Variants in NAP1L1 observed in about 807,000 individuals in gnomAD.
NAP1L1 encodes the protein nucleosome assembly protein 1-like 1.
NAP1L1 carries 9 observed loss-of-function variants against 58.9 expected under a neutral mutation model. The observed-to-expected ratio is 0.15, with a 90% CI of 0.09 to 0.27. The LOEUF (loss-of-function observed/expected upper bound fraction) is 0.27. Among genes scored for constraint, NAP1L1 ranks in the 10% least tolerant of loss-of-function variants. NAP1L1 has a pLI of 1.00. For missense variants in NAP1L1, 302 were observed against 458.8 expected, an observed-to-expected ratio of 0.66 and a Z score of 3.12; for synonymous variants, 130 against 138.3, an observed-to-expected ratio of 0.94 and a Z score of 0.42.
chr12:76,061,488 G>A (rs958602045), intron 4 of NAP1L1, among the ~76,000 whole-genome samples: 4 of 152,166 alleles, frequency 2.6e-5, no homozygotes, highest in Non-Finnish European at 5.9e-5. Flanking sequence ...CAAGTATTAC[G>A]TGGTGTATAC....
At chr12:76,074,276 A>T (rs1950092971) in intron 1 of NAP1L1, 37 bp from the exon 2 acceptor site, 1 of 1,532,264 alleles carries the variant, frequency 6.5e-7, no homozygotes, top group Non-Finnish European at 8.7e-7. Context: ...AAAAAAGTAT[A>T]TGATTTATTA....
intron 1 of NAP1L1, among the ~76,000 whole-genome samples, chr12:76,079,884 G>T (rs1950335086): frequency 1.3e-5 from 2 of 152,082 alleles, no homozygotes; most frequent in African/African-American, 4.8e-5. Flanking sequence ...TAAAGACAGG[G>T]TGTCTCACTA....
chr12:76,062,178 T>C (rs1356176040), intron 4 of NAP1L1, among the ~76,000 whole-genome samples: 1 of 152,176 alleles, frequency 6.6e-6, no homozygotes, highest in Admixed American at 6.5e-5. Context: ...AGCTGCACGG[T>C]TCAAAGCCTT....
At chr12:76,066,133 TAAATAAACAAACAAAC>T (rs1410898364) in intron 4 of NAP1L1, among the ~76,000 whole-genome samples, 15 of 109,696 alleles carry the variant, frequency 1.4e-4, no homozygotes, top group Non-Finnish European at 1.6e-4. Context: ...AATAAATAAA[TAAATAAACAAACAAAC>T]AAACAAACCT....
chr12:76,079,194 G>C (rs1487674346), intron 1 of NAP1L1, among the ~76,000 whole-genome samples: 1 of 152,030 alleles, frequency 6.6e-6, no homozygotes, highest in Non-Finnish European at 1.5e-5. Context: ...AATAACTAAG[G>C]CTCTTAAAAT....
At chr12:76,051,132 A>G (rs1339210913) in intron 11 of NAP1L1, among the ~76,000 whole-genome samples, 1 of 152,144 alleles carries the variant, frequency 6.6e-6, no homozygotes, top group Non-Finnish European at 1.5e-5. Flanking sequence ...TCATTTTTAA[A>G]TTTCCTTAAT....
chr12:76,080,048 G>T (rs1434266123), intron 1 of NAP1L1, among the ~76,000 whole-genome samples: 1 of 152,118 alleles, frequency 6.6e-6, no homozygotes, highest in African/African-American at 2.4e-5. Flanking sequence ...CTGAAGAGGG[G>T]AGGCAACTGA....
At chr12:76,064,323 G>A (rs1381507601) in intron 4 of NAP1L1, among the ~76,000 whole-genome samples, 1 of 151,944 alleles carries the variant, frequency 6.6e-6, no homozygotes, top group Non-Finnish European at 1.5e-5. Flanking sequence ...ACAAATGACA[G>A]AAAAAACTGT....
intron 14 of NAP1L1, 161 bp downstream of exon 14, chr12:76,049,039 T>C (rs1002078344): frequency 4.6e-5 from 30 of 648,656 alleles, no homozygotes; most frequent in Non-Finnish European, 6.3e-5. Flanking sequence ...TGAAATTATG[T>C]GTACTGTTCA....
intron 1 of NAP1L1, among the ~76,000 whole-genome samples, chr12:76,075,194 C>CGAGCCTGTAATCCCAGCTGCCCAA (rs1432776834): frequency 2.6e-5 from 4 of 152,040 alleles, no homozygotes; most frequent in Non-Finnish European, 5.9e-5. Context: ...CACAGTGGCA[C>CGAGCCTGTAATCCCAGCTGCCCAA]GAGCCTGTAA....
chr12:76,049,407 T>A, intron 13 of NAP1L1, 157 bp from the exon 14 acceptor site: 1 of 1,534,410 alleles, frequency 6.5e-7, no homozygotes, highest in African/African-American at 1.4e-5. Flanking sequence ...AAGCTTCTAA[T>A]ATGAAAAATT....
intron 6 of NAP1L1, chr12:76,056,592 C>G: frequency 2.2e-6 from 1 of 455,672 alleles, no homozygotes; most frequent in South Asian, 1.6e-5. Context: ...GAATGTGTGT[C>G]ACAGCTCTGC....
At chr12:76,077,317 T>C (rs1345739408) in intron 1 of NAP1L1, among the ~76,000 whole-genome samples, 3 of 152,214 alleles carry the variant, frequency 2.0e-5, no homozygotes, top group Non-Finnish European at 2.9e-5. Context: ...GGTTGTAAGA[T>C]AGACCTAATT....
At position 76,056,061 on chromosome 12, in the gene NAP1L1, T is replaced by C. The variant is rs771736072; in HGVS notation, c.530A>G (p.Asn177Ser). 1 of 1,612,134 alleles carries C rather than the reference T, an allele frequency of 6.2e-7. No homozygotes were observed. Among genetic ancestry groups the C allele is most frequent in the Non-Finnish European group, 8.5e-7 (1 of 1,179,774 alleles). ...AACCATATCACTGAGCAAGTCAACA[T>C]TCTTAAAAACAGTTAACCAAAATTC... is the stretch of plus-strand genomic sequence containing the variant. ...IPEFWLTVFKNVDLLSDMVQE... is the reference protein window; with the variant it reads ...IPEFWLTVFKSVDLLSDMVQE... The change falls in exon 7 of 15, where the codon AAT becomes AGT. Residue 177 changes from asparagine (N) to serine (S), a missense_variant. Asn to Ser is a conservative substitution (Grantham distance 46, BLOSUM62 1). Transcript: ENST00000618691.
intron 6 of NAP1L1, chr12:76,058,113 G>A (rs1949209124): frequency 2.7e-6 from 2 of 729,758 alleles, no homozygotes; most frequent in African/African-American, 1.8e-5. Flanking sequence ...CGAAGATCTT[G>A]GAGAAGAAGT....
At chr12:76,059,368 T>G (rs1592643166) in intron 6 of NAP1L1, among the ~76,000 whole-genome samples, 1 of 152,220 alleles carries the variant, frequency 6.6e-6, no homozygotes, top group East Asian at 1.9e-4. Context: ...TGGATATAAA[T>G]TACATGAGTA....
rs1435962368 is a variant in NAP1L1, at chr12:76,046,709, T to A, written c.*1720A>T. On this transcript the variant is annotated 3_prime_UTR_variant, in exon 15 of 15. Coordinates refer to ENST00000618691, the MANE Select transcript of NAP1L1 (RefSeq NM_004537.7). Reference sequence around the variant, plus strand: ...CTCTAAAAATCAATTCAATGTAATTTTATTAAGAGCAGGAAATCTAGACCT... The same window carrying A: ...CTCTAAAAATCAATTCAATGTAATTATATTAAGAGCAGGAAATCTAGACCT... 6.6e-6 allele frequency: 1 copy of A among 152,438 alleles called. No individual in the cohort carries two copies. The highest frequency in any genetic ancestry group is 1.5e-5 in the Non-Finnish European group (1 of 67,916). The allele number at this position is 152,438 out of a possible 1,614,324, so 9.4% of individuals were successfully genotyped here. A position where few individuals can be genotyped will look rare whatever the true frequency, so the allele number is the denominator to read the frequency against.
intron 11 of NAP1L1, 52 bp downstream of exon 11, chr12:76,053,039 T>G (rs1487673367): frequency 6.5e-7 from 1 of 1,544,120 alleles, no homozygotes; most frequent in African/African-American, 1.4e-5. Flanking sequence ...ATTCAGTGCT[T>G]TAATTTCAAA....
At chr12:76,071,383 G>A (rs572893460) in intron 2 of NAP1L1, among the ~76,000 whole-genome samples, 1 of 152,300 alleles carries the variant, frequency 6.6e-6, no homozygotes, top group East Asian at 1.9e-4. Flanking sequence ...TTTAAAATGA[G>A]AGTTGCAAAG....
Sources: allele counts gnomAD v4.1 joint callset (sites outside exome capture counted in the v4.1 genomes callset), GRCh38; gene constraint gnomAD v4.1.1; transcripts MANE v1.5; gene names NCBI Gene and HGNC (gene_info 2026-07-23, HGNC 2026-07-21).